CCAR2: variants seen among roughly 807,000 people sequenced by gnomAD.
CCAR2 encodes the protein cell cycle and apoptosis regulator protein 2.
Under a neutral mutation model 108.1 loss-of-function variants are expected in CCAR2, and 21 were observed. The observed-to-expected ratio is 0.19, with a 90% CI of 0.14 to 0.28. The LOEUF (loss-of-function observed/expected upper bound fraction) is 0.28. Among genes scored for constraint, CCAR2 ranks in the 10% least tolerant of loss-of-function variants. The probability of loss-of-function intolerance (pLI) is 1.00; values close to 1 mark genes in which losing one functional copy is unlikely to be tolerated. For synonymous variants in CCAR2, 577 were observed against 472.8 expected (o/e 1.22, Z -2.86); for missense variants, 1,126 against 1,177.0 (o/e 0.96, Z 0.63).
chr8:22,615,346 C>G (rs1801458067), intron 11 of CCAR2, 79 bp from the exon 12 acceptor site: 5 of 1,520,680 alleles, frequency 3.3e-6, no homozygotes, highest in Non-Finnish European at 3.6e-6. Context: ...TGACTGGAAA[C>G]TGAAGCCCTT....
intron 7 of CCAR2, chr8:22,612,741 C>A (rs1801338664): frequency 3.8e-6 from 1 of 259,848 alleles, no homozygotes; most frequent in Non-Finnish European, 7.2e-6. Flanking sequence ...TATTTTATTT[C>A]CTTTCAGTCT....
At chr8:22,611,402 GTGTA>G (rs1369916101) in intron 7 of CCAR2, among the ~76,000 whole-genome samples, 1 of 117,768 alleles carries the variant, frequency 8.5e-6, no homozygotes, top group Non-Finnish European at 1.8e-5. Flanking sequence ...GTGTGTGTGT[GTGTA>G]TGTGTGTGTA....
Position 22,619,239 on chromosome 8 carries a change from G to A in CCAR2, c.2611G>A (p.Ala871Thr), listed in dbSNP as rs139503366. 220 of 1,571,330 alleles carry A rather than the reference G, an allele frequency of 1.4e-4. 2 individuals carry two copies. In the East Asian group the frequency reaches 4.1e-3, roughly 29 times the overall value. Reference sequence around the variant, plus strand: ...GGAGCTGCGAGTCCGGCTGGCGGAGGCCGAGGAGACCGCCCGGACGGCGGA... The same window carrying A: ...GGAGCTGCGAGTCCGGCTGGCGGAGACCGAGGAGACCGCCCGGACGGCGGA... Reference protein sequence around the residue: ...MQELRVRLAEAEETARTAERQ... With the variant: ...MQELRVRLAETEETARTAERQ... Residue 871 changes from alanine to threonine, a missense_variant, in exon 20 of 21, where the codon GCC (alanine) becomes ACC (threonine). Physicochemically the swap from Ala to Thr is moderately conservative, Grantham distance 58. This residue lies in a region of CCAR2 where 1,013 missense variants were observed against 993.9 expected (regional missense o/e 1.02). Coordinates refer to ENST00000308511, the MANE Select transcript of CCAR2 (RefSeq NM_001393997.1).
intron 14 of CCAR2, chr8:22,616,565 C>T: frequency 2.7e-6 from 1 of 369,652 alleles, no homozygotes; most frequent in Non-Finnish European, 5.1e-6. Flanking sequence ...CCCCTGTAAT[C>T]CCAGCACTTT....
In CCAR2 at chr8:22,605,155, G is replaced by T. The variant is rs555761332; in HGVS notation, c.-39+313G>T. 1.5e-5 allele frequency: 3 copies of T among 194,498 alleles called. No individual in the cohort carries two copies. In the East Asian group the frequency reaches 5.5e-4, roughly 36 times the overall value. 12.0% of individuals were successfully genotyped at this position (194,498 alleles called of 1,614,324 possible). On this transcript the variant is annotated intron_variant, in intron 1 of 20. Coordinates refer to ENST00000308511, the MANE Select transcript of CCAR2 (RefSeq NM_001393997.1). The stretch of plus-strand genomic sequence containing the variant: ...GGAGCAGGAGGGTGGCGCGCAGCCG[G>T]TTTCGCGTTTGGTCGGCCAGGGAGC...
At chr8:22,605,928 T>C (rs1801060150) in intron 2 of CCAR2, 97 bp downstream of exon 2, 2 of 1,365,010 alleles carry the variant, frequency 1.5e-6, no homozygotes, top group South Asian at 1.2e-5. Context: ...GCTGCTGATG[T>C]TCCTCTGGAA....
In CCAR2 at chr8:22,615,417, A is replaced by G. The variant is rs1801460920; in HGVS notation, c.1206-8A>G. 1 of 1,611,974 alleles carries G rather than the reference A, an allele frequency of 6.2e-7. No homozygotes were observed. Among genetic ancestry groups the G allele is most frequent in the Non-Finnish European group, 8.5e-7 (1 of 1,178,968 alleles). ...AAAGAAGTTAGTACCTCCTTTTGCCATGTGCAGGTGGCGCTTTGCCGAGTT... is the reference window on the plus strand; with the variant it reads ...AAAGAAGTTAGTACCTCCTTTTGCCGTGTGCAGGTGGCGCTTTGCCGAGTT... On this transcript the variant is annotated splice_polypyrimidine_tract_variant and splice_region_variant and intron_variant, in intron 11 of 20. Transcript: ENST00000308511.
intron 14 of CCAR2, 64 bp downstream of exon 14, chr8:22,616,312 C>A: frequency 6.7e-7 from 1 of 1,499,982 alleles, no homozygotes; most frequent in South Asian, 1.1e-5. Context: ...TTACCCCGGG[C>A]TCTGTTCCGA....
intron 10 of CCAR2, 144 bp downstream of exon 10, chr8:22,614,647 G>A: frequency 9.8e-7 from 1 of 1,022,040 alleles, no homozygotes; most frequent in Non-Finnish European, 1.5e-6. Context: ...GGAGGAAGGT[G>A]CAGCTCAGAG....
rs549338259 is a variant in CCAR2 at position 22,609,417 on chromosome 8, G to A, written c.584+1352G>A. On this transcript the variant is annotated intron_variant, in intron 7 of 20. Transcript: ENST00000308511. Reference sequence around the variant, plus strand: ...TCTTCCCACCTCAGCCTCCCAAAGCGCTGGGATTACAGGTGTGGGCCACCA... The same window carrying A: ...TCTTCCCACCTCAGCCTCCCAAAGCACTGGGATTACAGGTGTGGGCCACCA... Among the ~76,000 whole-genome samples the A allele has an allele frequency of 7.4e-4, 113 of 152,302 alleles. 1 individual carries two copies. The South Asian group carries it at 0.023, about 31-fold the overall frequency.
intron 7 of CCAR2, among the ~76,000 whole-genome samples, chr8:22,611,041 AAT>A (rs1801253701): frequency 6.7e-6 from 1 of 148,528 alleles, no homozygotes; most frequent in African/African-American, 2.6e-5. Context: ...AAATTAAAAT[AAT>A]ATAAATACAT....
At position 22,616,136 on chromosome 8, in the gene CCAR2, C is replaced by A. The variant is rs201308570; in HGVS notation, c.1733C>A (p.Ala578Glu). 2.7e-5 allele frequency: 44 copies of A among 1,613,892 alleles called. No homozygotes were observed. The highest frequency in any genetic ancestry group is 3.6e-5 in the Non-Finnish European group (42 of 1,180,000). ...VSPPEPEKEE[A>E]AKEEATKEEE... is the part of the protein sequence containing the mutation. ...CCACCTGAACCTGAGAAGGAGGAGG[C>A]GGCCAAGGAAGAAGCCACCAAGGAG... Residue 578 changes from alanine to glutamate, a missense_variant, in exon 14 of 21, where the codon GCG becomes GAG. This residue lies in a region of CCAR2 where 1,013 missense variants were observed against 993.9 expected (regional missense o/e 1.02). Transcript: ENST00000308511.
rs1377644837 is a variant in CCAR2 at position 22,614,317 on chromosome 8, A to C, written c.927+3A>C. 1 of 1,613,924 alleles carries C rather than the reference A, an allele frequency of 6.2e-7. No individual in the cohort carries two copies. ...GTGACCCCGCTTATAGTTCGAAGGT[A>C]AGCTGACAGGCGTCTCTCACTTATC... On this transcript the variant is annotated splice_donor_region_variant and intron_variant, in intron 9 of 20. Transcript: ENST00000308511.
Position 22,615,799 on chromosome 8 carries a change from G to C in CCAR2, c.1495G>C (p.Glu499Gln). ...TQQETDTDLP[E>Q]APPPPLEPAV... ...GCAGGAAACGGACACTGATCTCCCA[G>C]AGGCCCCTCCACCCCCCCTAGAACC... The change falls in exon 13 of 21, where the codon GAG becomes CAG. Residue 499 changes from glutamate (E) to glutamine (Q), a missense_variant. By Grantham distance (29) the Glu-to-Gln change is conservative. Transcript: ENST00000308511. The C allele has an allele frequency of 6.2e-7, 1 of 1,613,964 alleles. No homozygotes were observed. Among genetic ancestry groups the C allele is most frequent in the East Asian group, 2.2e-5 (1 of 44,868 alleles).
At position 22,613,040 on chromosome 8, in the gene CCAR2, G is replaced by A. The variant is rs773478671; in HGVS notation, c.608G>A (p.Arg203His). The A allele has an allele frequency of 1.9e-6, 3 of 1,612,790 alleles. No homozygotes were observed. The highest frequency in any genetic ancestry group is 1.7e-6 in the Non-Finnish European group (2 of 1,179,608). The change falls in exon 8 of 21, where the codon CGC (arginine) becomes CAC (histidine). Residue 203 changes from arginine to histidine, a missense_variant. Arg to His is a conservative substitution (Grantham distance 29, BLOSUM62 0). Transcript: ENST00000308511. ...GRSDDYDSKKRKQRAGGEPWG... is the reference protein window; with the variant it reads ...GRSDDYDSKKHKQRAGGEPWG... ...AGTGATGACTATGACTCCAAGAAAC[G>A]CAAACAGCGGGCTGGTGGAGAGCCC...
rs2306519 is a variant in CCAR2 at position 22,617,981 on chromosome 8, G to A, written c.2073+203G>A. On this transcript the variant is annotated intron_variant, in intron 16 of 20. Transcript: ENST00000308511. The stretch of plus-strand genomic sequence containing the variant: ...TGTCTGTTGGGGTGAATGGGAGAGG[G>A]GTATTTGATCCTCTCCTGAGAGAGG... Among the ~76,000 whole-genome samples the A allele has an allele frequency of 1.9e-3, 295 of 152,264 alleles. 9 individuals are homozygous for A. The East Asian group carries it at 0.046, about 24-fold the overall frequency.
At position 22,613,064 on chromosome 8, in the gene CCAR2, C is replaced by G. The variant is rs994804152; in HGVS notation, c.632C>G (p.Pro211Arg). 3 of 1,612,976 alleles carry G rather than the reference C, an allele frequency of 1.9e-6. No homozygotes were observed. Among genetic ancestry groups the G allele is most frequent in the Non-Finnish European group, 2.5e-6 (3 of 1,179,706 alleles). ...KKRKQRAGGEPWGAKKPRHDL... is the reference protein window; with the variant it reads ...KKRKQRAGGERWGAKKPRHDL... ...CGCAAACAGCGGGCTGGTGGAGAGC[C>G]CTGGGGTGCTAAGAAGCCAAGGCAT... is the stretch of plus-strand genomic sequence containing the variant. Residue 211 changes from proline to arginine, a missense_variant, in exon 8 of 21, where the codon CCC becomes CGC. Physicochemically the swap from Pro to Arg is moderately radical, Grantham distance 103. This residue lies in a region of CCAR2 where 1,013 missense variants were observed against 993.9 expected (regional missense o/e 1.02). Transcript: ENST00000308511.
At chr8:22,613,355 C>CTTTT (rs5890057) in intron 8 of CCAR2, among the ~76,000 whole-genome samples, 4 of 125,834 alleles carry the variant, frequency 3.2e-5, no homozygotes, top group Non-Finnish European at 3.4e-5. Context: ...AGATCTAGTT[C>CTTTT]TTTTTTTTTT....
At chr8:22,617,092 C>T (rs959875403) in intron 14 of CCAR2, among the ~76,000 whole-genome samples, 2 of 151,656 alleles carry the variant, frequency 1.3e-5, no homozygotes, top group Non-Finnish European at 2.9e-5. Flanking sequence ...CCTGGCTGGT[C>T]TTGAACTCCT....
Sources: gnomAD v4.1 joint callset for allele counts (sites outside exome capture counted in the v4.1 genomes callset) on GRCh38, gnomAD v4.1.1 for gene constraint, gnomAD v4.1.1 regional missense constraint, MANE v1.5 for transcripts, NCBI Gene and HGNC (gene_info 2026-07-23, HGNC 2026-07-21) for gene names.